The following SCNN1B variants were observed in gnomAD, a reference collection of about 807,000 sequenced individuals.
SCNN1B encodes the protein sodium channel epithelial 1 subunit beta.
Under a neutral mutation model 65.3 loss-of-function variants are expected in SCNN1B, and 46 were observed. The observed-to-expected ratio is 0.70, with a 90% CI of 0.56 to 0.90. The LOEUF (loss-of-function observed/expected upper bound fraction) is 0.90. SCNN1B is among the 40% of genes least tolerant of loss of function. The probability of loss-of-function intolerance (pLI) is 0.00; values close to 1 mark genes in which losing one functional copy is unlikely to be tolerated. For missense variants in SCNN1B, 751 were observed against 830.5 expected, an observed-to-expected ratio of 0.90 and a Z score of 1.18; for synonymous variants, 349 against 330.6, an observed-to-expected ratio of 1.06 and a Z score of -0.60.
intron 1 of SCNN1B, among the ~76,000 whole-genome samples, chr16:23,310,666 G>A (rs1033020233): frequency 6.6e-6 from 1 of 152,234 alleles, no homozygotes; most frequent in South Asian, 2.1e-4. Flanking sequence ...AACACAGCGA[G>A]ACCCTGTCTC....
chr16:23,378,721 G>A lies in SCNN1B; in HGVS notation c.1420G>A (p.Val474Ile), dbSNP rs767553064. 2.7e-5 allele frequency: 43 copies of A among 1,614,010 alleles called. No homozygotes were observed. Among genetic ancestry groups the A allele is most frequent in the Non-Finnish European group, 3.3e-5 (39 of 1,180,038 alleles). Residue 474 changes from valine to isoleucine, a missense_variant, in exon 11 of 13, where the codon GTC (valine) becomes ATC (isoleucine). Val to Ile is a conservative substitution (Grantham distance 29). Coordinates refer to ENST00000343070, the MANE Select transcript of SCNN1B (RefSeq NM_000336.3). ...TGGGTTCCAGGACTGGATTTTCCACGTCTTGTCTCAGGAGCGGGACCAAAG... is the reference window on the plus strand; with the variant it reads ...TGGGTTCCAGGACTGGATTTTCCACATCTTGTCTCAGGAGCGGGACCAAAG... ...SEASEDWIFHVLSQERDQSTN... is the reference protein window; with the variant it reads ...SEASEDWIFHILSQERDQSTN...
intron 1 of SCNN1B, among the ~76,000 whole-genome samples, chr16:23,328,299 A>C (rs1486835167): frequency 6.6e-6 from 1 of 152,214 alleles, no homozygotes; most frequent in Non-Finnish European, 1.5e-5. Context: ...TTTTGTGGAC[A>C]TTCTTGCTTA....
chr16:23,283,931 A>C (rs1960816771), intron 2 of SCNN1B: 1 of 152,202 alleles, frequency 6.6e-6, no homozygotes, highest in Non-Finnish European at 1.5e-5. Context: ...AAGCTAAACC[A>C]TGGAGGAGGT....
Position 23,380,028 on chromosome 16 carries a change from G to A in SCNN1B, c.1467-66G>A, listed in dbSNP as rs922658247. 9 of 1,166,074 alleles carry A rather than the reference G, an allele frequency of 7.7e-6. No homozygotes were observed. In the South Asian group the frequency reaches 9.8e-5, roughly 13 times the overall value. 72.2% of individuals were successfully genotyped at this position (1,166,074 alleles called of 1,614,324 possible). On this transcript the variant is annotated intron_variant, in intron 11 of 12. Transcript: ENST00000343070. This position sits in a 1 kb window ranked among gnomAD's most constrained non-coding sequence, Gnocchi z 5.4. ...TGTGTGTGCATGTGTCTATGTGCGTGTGTGTGTGTCTGTCTGTTTGGAAGG... is the reference window on the plus strand; with the variant it reads ...TGTGTGTGCATGTGTCTATGTGCGTATGTGTGTGTCTGTCTGTTTGGAAGG...
chr16:23,292,242 G>T (rs1960936105), intron 2 of SCNN1B, among the ~76,000 whole-genome samples: 1 of 146,526 alleles, frequency 6.8e-6, no homozygotes, highest in Non-Finnish European at 1.5e-5. Context: ...CGCCCAGGCT[G>T]GAGTGCAGTG....
At chr16:23,331,226 G>A (rs1178338105) in intron 1 of SCNN1B, among the ~76,000 whole-genome samples, 2 of 152,114 alleles carry the variant, frequency 1.3e-5, no homozygotes, top group East Asian at 1.9e-4. Context: ...GCGCTCCTGG[G>A]TGGTGTGTAG....
intron 1 of SCNN1B, among the ~76,000 whole-genome samples, chr16:23,319,998 C>A (rs11074556): frequency 1.3e-5 from 2 of 152,058 alleles, no homozygotes; most frequent in Non-Finnish European, 2.9e-5. Flanking sequence ...CCTCTCACCT[C>A]GGCCTCCCAA....
rs1567304432 is a variant in SCNN1B, at chr16:23,343,631, GAAAGAAAGAAAGAAAGAAAA to G, written c.-8-4952_-8-4933del. ...AGAAAGAAAGAAAGAAAGAAAGAAA[GAAAGAAAGAAAGAAAGAAAA>G]AAAGAAAGGAAGGAAGGAAGAAAAA... On this transcript the variant is annotated intron_variant, in intron 1 of 12. Transcript: ENST00000343070. 3.9e-5 allele frequency among the ~76,000 whole-genome samples: 4 copies of G among 103,576 alleles called. No individual in the cohort carries two copies. The East Asian group carries it at 8.2e-4, about 21-fold the overall frequency. The allele number at this position is 103,576 out of a possible 152,430, so 67.9% of individuals were successfully genotyped here. A position where few individuals can be genotyped will look rare whatever the true frequency, so the allele number is the denominator to read the frequency against.
intron 1 of SCNN1B, among the ~76,000 whole-genome samples, chr16:23,340,742 T>A (rs1962038090): frequency 6.6e-6 from 1 of 152,156 alleles, no homozygotes; most frequent in Non-Finnish European, 1.5e-5. Context: ...TTTGTAGGTC[T>A]ATCAGAGCTC....
At chr16:23,319,399 C>T (rs1472784333) in intron 1 of SCNN1B, among the ~76,000 whole-genome samples, 7 of 152,084 alleles carry the variant, frequency 4.6e-5, no homozygotes, top group Non-Finnish European at 8.8e-5. Context: ...AGTCTGCATA[C>T]TATGGCCCAA....
intron 11 of SCNN1B, among the ~76,000 whole-genome samples, chr16:23,379,851 C>G (rs1245060756): frequency 6.6e-6 from 1 of 152,150 alleles, no homozygotes; most frequent in Non-Finnish European, 1.5e-5. Context: ...TTGCAGTTCT[C>G]GTTTGGACCT....
intron 2 of SCNN1B, among the ~76,000 whole-genome samples, chr16:23,285,086 A>G (rs752827014): frequency 1.3e-5 from 2 of 152,226 alleles, no homozygotes; most frequent in Non-Finnish European, 2.9e-5. Context: ...TAGTGGAGAA[A>G]CTGGTAACAT....
intron 4 of SCNN1B, chr16:23,358,602 A>G (rs1193041928): frequency 1.3e-5 from 2 of 152,246 alleles, no homozygotes; most frequent in Admixed American, 6.5e-5. Flanking sequence ...TACTTTTATA[A>G]TAGTTTTATA....
chr16:23,309,867 C>T (rs1202619547), intron 1 of SCNN1B, among the ~76,000 whole-genome samples: 1 of 152,192 alleles, frequency 6.6e-6, no homozygotes, highest in South Asian at 2.1e-4. Context: ...AGAGCCTGTT[C>T]CTAGAAGCTC....
chr16:23,367,930 T>A lies in SCNN1B; in HGVS notation c.851T>A (p.Leu284His). Residue 284 changes from leucine to histidine, a missense_variant, in exon 5 of 13, where the codon CTT becomes CAT. Physicochemically the swap from Leu to His is moderately conservative, Grantham distance 99 (BLOSUM62 -3). Transcript: ENST00000343070. ...IFNWGMTEKA[L>H]PSANPGTEFG... is the part of the protein sequence containing the mutation. ...AACTGGGGCATGACAGAGAAGGCAC[T>A]TCCTTCGGCCAACCCTGGAACTGAA... is the stretch of plus-strand genomic sequence containing the variant. The A allele has an allele frequency of 6.2e-7, 1 of 1,614,148 alleles. No individual in the cohort carries two copies. Among genetic ancestry groups the A allele is most frequent in the Non-Finnish European group, 8.5e-7 (1 of 1,179,958 alleles).
chr16:23,318,187 T>G (rs1961511896), intron 1 of SCNN1B, among the ~76,000 whole-genome samples: 1 of 152,168 alleles, frequency 6.6e-6, no homozygotes, highest in Admixed American at 6.6e-5. Context: ...GCAAAGTGGT[T>G]ATGAGAGCAG....
At chr16:23,378,890 T>A in intron 11 of SCNN1B, 123 bp downstream of exon 11, 1 of 875,786 alleles carries the variant, frequency 1.1e-6, no homozygotes. Context: ...GAGGAGCAAG[T>A]CTTGAGGAGG....
chr16:23,355,176 A>G, intron 3 of SCNN1B, 123 bp from the exon 4 acceptor site: 1 of 907,110 alleles, frequency 1.1e-6, no homozygotes, highest in African/African-American at 1.6e-5. Context: ...CCCACCACCA[A>G]GTTGCAGCCA....
intron 11 of SCNN1B, among the ~76,000 whole-genome samples, chr16:23,379,482 T>C (rs535238222): frequency 1.3e-5 from 2 of 151,124 alleles, no homozygotes; most frequent in South Asian, 2.1e-4. Flanking sequence ...CAAGGAGGAG[T>C]AAGTGCTGTT....
Sources: allele counts gnomAD v4.1 joint callset (sites outside exome capture counted in the v4.1 genomes callset), GRCh38; gene constraint gnomAD v4.1.1; non-coding constraint Gnocchi (gnomAD v3.1); transcripts MANE v1.5; gene names NCBI Gene and HGNC (gene_info 2026-07-23, HGNC 2026-07-21).